RFX3: variants seen among roughly 807,000 people sequenced by gnomAD.
The protein encoded by RFX3 is transcription factor RFX3.
Under a neutral mutation model 98.6 loss-of-function variants are expected in RFX3, and 14 were observed. The ratio of observed to expected loss-of-function variants is 0.14; its 90% CI spans 0.09 to 0.22. The LOEUF (loss-of-function observed/expected upper bound fraction) is 0.22. RFX3 is among the 10% of genes least tolerant of loss of function. The pLI is 1.00. For synonymous variants in RFX3, 383 were observed against 328.4 expected (o/e 1.17, Z -1.80); for missense variants, 639 against 926.9 (o/e 0.69, Z 4.03).
intron 4 of RFX3, among the ~76,000 whole-genome samples, chr9:3,324,599 A>G (rs985134587): frequency 1.6e-4 from 24 of 148,654 alleles, no homozygotes; most frequent in African/African-American, 4.7e-4. Context: ...AAAAAAAAAA[A>G]AGAGAGAGGG....
intron 3 of RFX3, among the ~76,000 whole-genome samples, chr9:3,344,211 G>A (rs1436764898): frequency 1.3e-5 from 2 of 152,182 alleles, no homozygotes; most frequent in African/African-American, 4.8e-5. Flanking sequence ...TTCATTGAGT[G>A]TGTCCTACTC....
At chr9:3,322,147 CA>C (rs1234396640) in intron 4 of RFX3, among the ~76,000 whole-genome samples, 1 of 151,792 alleles carries the variant, frequency 6.6e-6, no homozygotes. Context: ...CCTTTCTTGT[CA>C]AAAAAACTAT....
chr9:3,246,077 G>A lies in RFX3; in HGVS notation c.1968+1955C>T, dbSNP rs774536574. Reference sequence around the variant, plus strand: ...GGTGTATGAGGCATCAGTGTTGTATGAGGAGATCAAACCTATAAAATTAGT... The same window carrying A: ...GGTGTATGAGGCATCAGTGTTGTATAAGGAGATCAAACCTATAAAATTAGT... On this transcript the variant is annotated intron_variant, in intron 15 of 16. Coordinates refer to ENST00000617270, the MANE Select transcript of RFX3 (RefSeq NM_001282116.2). Among the ~76,000 whole-genome samples the A allele has an allele frequency of 4.6e-5, 7 of 152,210 alleles. No homozygotes were observed. The East Asian group carries it at 1.3e-3, about 29-fold the overall frequency.
At chr9:3,429,092 G>C (rs895365370) in intron 1 of RFX3, among the ~76,000 whole-genome samples, 1 of 148,326 alleles carries the variant, frequency 6.7e-6, no homozygotes, top group South Asian at 2.1e-4. Flanking sequence ...GCGCGATCTC[G>C]GCTCACTGCA....
At position 3,234,659 on chromosome 9, in the gene RFX3, C is replaced by A. The variant is rs548445248; in HGVS notation, c.1969-5770G>T. Among the ~76,000 whole-genome samples the A allele has an allele frequency of 1.3e-4, 20 of 151,898 alleles. No individual in the cohort carries two copies. The East Asian group carries it at 3.3e-3, about 25-fold the overall frequency. ...GTCTCAAAACAAACAAACAAACAAA[C>A]AAAAAAACCCAAAAGCACCCCACCC... On this transcript the variant is annotated intron_variant, in intron 15 of 16. Coordinates refer to ENST00000617270, the MANE Select transcript of RFX3 (RefSeq NM_001282116.2).
At chr9:3,279,792 A>T (rs889325999) in intron 7 of RFX3, among the ~76,000 whole-genome samples, 1 of 151,868 alleles carries the variant, frequency 6.6e-6, no homozygotes, top group South Asian at 2.1e-4. Flanking sequence ...AGGAGAGATT[A>T]TATTTTTAAT....
chr9:3,396,728 C>T lies in RFX3; in HGVS notation c.-8-1132G>A, dbSNP rs558370626. Among the ~76,000 whole-genome samples, 4 of 152,232 alleles carry T rather than the reference C, an allele frequency of 2.6e-5. No homozygotes were observed. The South Asian group carries it at 6.2e-4, about 24-fold the overall frequency. On this transcript the variant is annotated intron_variant, in intron 1 of 16. Coordinates refer to ENST00000617270, the MANE Select transcript of RFX3 (RefSeq NM_001282116.2). The stretch of plus-strand genomic sequence containing the variant: ...CTGTTTCCTGACTTTTTAATGATTG[C>T]CATTCTAACTGGTGTGAGATGGTAT...
chr9:3,423,707 G>C (rs1206573568), intron 1 of RFX3, among the ~76,000 whole-genome samples: 1 of 144,720 alleles, frequency 6.9e-6, no homozygotes, highest in African/African-American at 2.6e-5. Context: ...TGGTTACATA[G>C]ATATAAATTT....
At chr9:3,388,804 T>C (rs1839985397) in intron 2 of RFX3, among the ~76,000 whole-genome samples, 2 of 152,082 alleles carry the variant, frequency 1.3e-5, no homozygotes, top group South Asian at 4.1e-4. Context: ...AAATCTTGCT[T>C]TGAACTCAAT....
intron 1 of RFX3, among the ~76,000 whole-genome samples, chr9:3,523,701 A>C (rs1484578955): frequency 6.6e-6 from 1 of 152,180 alleles, no homozygotes; most frequent in African/African-American, 2.4e-5. Context: ...TTAACTTCAG[A>C]GAGAGTTTAT....
intron 4 of RFX3, among the ~76,000 whole-genome samples, chr9:3,325,585 T>C (rs1831817259): frequency 6.6e-6 from 1 of 152,028 alleles, no homozygotes; most frequent in Admixed American, 6.6e-5. Flanking sequence ...TAATCTTAAG[T>C]ATTAAGAAGA....
At chr9:3,487,965 A>G (rs1352314788) in intron 1 of RFX3, among the ~76,000 whole-genome samples, 5 of 152,158 alleles carry the variant, frequency 3.3e-5, no homozygotes, top group Non-Finnish European at 5.9e-5. Flanking sequence ...GCTACACACA[A>G]AAGAGCTTTG....
chr9:3,288,396 T>A lies in RFX3; in HGVS notation c.732-146A>T. On this transcript the variant is annotated intron_variant, in intron 6 of 16. Transcript: ENST00000617270. ...ATATTTATGATTAACCTGTTCTGAA[T>A]ACTTTTATGTTTTTATGGTGATAAA... The A allele has an allele frequency of 7.9e-6, 5 of 634,404 alleles. No individual in the cohort carries two copies. The Admixed American group carries it at 8.5e-5, about 11-fold the overall frequency. 39.3% of individuals were successfully genotyped at this position (634,404 alleles called of 1,614,324 possible).
intron 14 of RFX3, among the ~76,000 whole-genome samples, chr9:3,248,914 A>G (rs900057310): frequency 6.6e-6 from 1 of 152,122 alleles, no homozygotes; most frequent in African/African-American, 2.4e-5. Flanking sequence ...AATAAACTCT[A>G]TTATATTTAA....
intron 1 of RFX3, among the ~76,000 whole-genome samples, chr9:3,498,164 G>A (rs926942260): frequency 1.3e-5 from 2 of 151,874 alleles, no homozygotes; most frequent in Admixed American, 6.6e-5. Flanking sequence ...ACATACTAAA[G>A]GACACAAAGG....
intron 15 of RFX3, among the ~76,000 whole-genome samples, chr9:3,242,941 G>C (rs1820154876): frequency 6.6e-6 from 1 of 151,708 alleles, no homozygotes; most frequent in Non-Finnish European, 1.5e-5. Context: ...TAAAAGAATT[G>C]ATATATTTAA....
At chr9:3,305,278 A>G (rs1829149897) in intron 4 of RFX3, among the ~76,000 whole-genome samples, 1 of 152,062 alleles carries the variant, frequency 6.6e-6, no homozygotes, top group African/African-American at 2.4e-5. Flanking sequence ...GTATGCGGGA[A>G]TCAGGGAAAA....
chr9:3,511,885 C>T (rs781062049), intron 1 of RFX3, among the ~76,000 whole-genome samples: 1 of 151,996 alleles, frequency 6.6e-6, no homozygotes, highest in Non-Finnish European at 1.5e-5. Context: ...TTTAGAAATG[C>T]TGTGCTTGTA....
chr9:3,345,875 T>C (rs1834392867), intron 3 of RFX3, among the ~76,000 whole-genome samples: 1 of 151,720 alleles, frequency 6.6e-6, no homozygotes, highest in Non-Finnish European at 1.5e-5. Context: ...AAGGAAAGAG[T>C]AGATGTAGTA....
Sources: allele counts gnomAD v4.1 joint callset (sites outside exome capture counted in the v4.1 genomes callset), GRCh38; gene constraint gnomAD v4.1.1; transcripts MANE v1.5; gene names NCBI Gene and HGNC (gene_info 2026-07-23, HGNC 2026-07-21).